Variants in ARMC8 observed in about 807,000 individuals in gnomAD.
ARMC8 encodes armadillo repeat containing 8.
Under a neutral mutation model 99.3 loss-of-function variants are expected in ARMC8, and 20 were observed. The ratio of observed to expected loss-of-function variants is 0.20; its 90% confidence interval spans 0.14 to 0.29. ARMC8 has a LOEUF of 0.29. Ranked by LOEUF, ARMC8 falls within the 10% of genes least tolerant of loss-of-function variation. The pLI, the probability that ARMC8 is intolerant of heterozygous loss-of-function variation, is 1.00. For synonymous variants in ARMC8, 263 were observed against 278.3 expected (o/e 0.95, Z 0.55); for missense variants, 569 against 809.5 (o/e 0.70, Z 3.60).
rs2051448261 is a variant in ARMC8, at chr3:138,295,946, C to T, written c.*54C>T. The T allele has an allele frequency of 6.3e-7, 1 of 1,582,766 alleles. No homozygotes were observed. The highest frequency in any genetic ancestry group is 8.6e-7 in the Non-Finnish European group (1 of 1,156,092). Reference sequence around the variant, plus strand: ...TCCCACCTCCTTGTTTAAGGAAGTACAGGAACCAGCCTCATTTGATTCCTT... The same window carrying T: ...TCCCACCTCCTTGTTTAAGGAAGTATAGGAACCAGCCTCATTTGATTCCTT... On this transcript the variant is annotated 3_prime_UTR_variant, in exon 22 of 22. Coordinates refer to ENST00000469044, the MANE Select transcript of ARMC8 (RefSeq NM_001363941.2).
At chr3:138,191,907 G>C (rs1392891590) in intron 1 of ARMC8, among the ~76,000 whole-genome samples, 37 of 152,136 alleles carry the variant, frequency 2.4e-4, no homozygotes, top group Non-Finnish European at 1.0e-4. Flanking sequence ...TTTACCTGTT[G>C]GGCGTTTTGG....
chr3:138,216,653 T>G (rs1035536814), intron 2 of ARMC8, among the ~76,000 whole-genome samples: 2 of 152,240 alleles, frequency 1.3e-5, no homozygotes, highest in African/African-American at 4.8e-5. Flanking sequence ...TTGCCCTTAT[T>G]CTAGTTACCC....
chr3:138,275,484 G>A (rs2049194622), intron 18 of ARMC8, among the ~76,000 whole-genome samples: 1 of 152,138 alleles, frequency 6.6e-6, no homozygotes, highest in South Asian at 2.1e-4. Flanking sequence ...GCGTGAACCT[G>A]GGAGGTGGAG....
At chr3:138,229,184 G>GTATATATA (rs1260368069) in intron 6 of ARMC8, 174 bp downstream of exon 6, 9 of 21,002 alleles carry the variant, frequency 4.3e-4, no homozygotes, top group African/African-American at 1.5e-3. Flanking sequence ...ATATATATAT[G>GTATATATA]TATATGTATA....
chr3:138,187,956 C>T (rs2043163430), intron 1 of ARMC8: 2 of 335,424 alleles, frequency 6.0e-6, no homozygotes, highest in Admixed American at 4.5e-5. Flanking sequence ...GGGCCGAACG[C>T]TCTGCCTTGT....
At chr3:138,221,003 T>A (rs556427528) in intron 2 of ARMC8, among the ~76,000 whole-genome samples, 27 of 152,294 alleles carry the variant, frequency 1.8e-4, no homozygotes, top group African/African-American at 4.8e-4. Flanking sequence ...GAAGTTTTTT[T>A]AAACATTTTA....
chr3:138,264,293 C>T (rs2048038566), intron 14 of ARMC8, 81 bp downstream of exon 14: 1 of 1,063,778 alleles, frequency 9.4e-7, no homozygotes, highest in African/African-American at 1.6e-5. Context: ...ACTCCCTGGT[C>T]TAGGAGTATG....
chr3:138,254,835 G>C (rs1273430650), intron 12 of ARMC8, among the ~76,000 whole-genome samples: 1 of 152,102 alleles, frequency 6.6e-6, no homozygotes, highest in Non-Finnish European at 1.5e-5. Flanking sequence ...TAACATAAAC[G>C]ACTTTCCCAG....
At chr3:138,221,515 A>G (rs1219451521) in intron 2 of ARMC8, among the ~76,000 whole-genome samples, 4 of 152,158 alleles carry the variant, frequency 2.6e-5, no homozygotes, top group African/African-American at 9.7e-5. Context: ...TAAAAAAAAA[A>G]GTGAACAAAG....
intron 12 of ARMC8, among the ~76,000 whole-genome samples, chr3:138,247,310 T>A (rs1434519308): frequency 1.3e-5 from 2 of 152,170 alleles, no homozygotes; most frequent in African/African-American, 2.4e-5. Flanking sequence ...TTGATTTTTT[T>A]AAAATGCAAT....
intron 14 of ARMC8, among the ~76,000 whole-genome samples, chr3:138,264,880 T>C (rs1560012794): frequency 6.6e-6 from 1 of 151,272 alleles, no homozygotes; most frequent in Non-Finnish European, 1.5e-5. Flanking sequence ...GTTCTTAGTC[T>C]CGGCAATCCC....
intron 9 of ARMC8, chr3:138,239,203 GTTAT>G: frequency 8.6e-6 from 3 of 349,302 alleles, no homozygotes; most frequent in Non-Finnish European, 1.0e-5. Flanking sequence ...CCATCATTAG[GTTAT>G]TTATTTTTAA....
chr3:138,261,477 G>C (rs2047736602), intron 12 of ARMC8: 1 of 152,178 alleles, frequency 6.6e-6, no homozygotes, highest in African/African-American at 2.4e-5. Context: ...ATATTTATTA[G>C]GCAATCAGAA....
chr3:138,275,495 C>T (rs925138419), intron 18 of ARMC8, among the ~76,000 whole-genome samples: 4 of 151,904 alleles, frequency 2.6e-5, no homozygotes, highest in African/African-American at 4.8e-5. Flanking sequence ...GGAGGTGGAG[C>T]TTGCAGTGAT....
chr3:138,281,901 T>C (rs898175286), intron 18 of ARMC8, among the ~76,000 whole-genome samples: 1 of 152,198 alleles, frequency 6.6e-6, no homozygotes, highest in East Asian at 1.9e-4. Context: ...TTATGAAGCC[T>C]TATTAAAATT....
At chr3:138,248,652 T>A (rs1286839975) in intron 12 of ARMC8, among the ~76,000 whole-genome samples, 1 of 152,224 alleles carries the variant, frequency 6.6e-6, no homozygotes, top group Admixed American at 6.5e-5. Flanking sequence ...AAATAATTGC[T>A]GTTATGAAGA....
At chr3:138,246,152 A>C in intron 12 of ARMC8, 1 of 985,754 alleles carries the variant, frequency 1.0e-6, no homozygotes, top group African/African-American at 1.7e-5. Context: ...CATTTGTTGA[A>C]ATAACTTGAA....
In ARMC8 at chr3:138,187,582, C is replaced by T. The variant is rs2043131317; in HGVS notation, c.28C>T (p.Arg10Cys). The change falls in exon 1 of 22, where the codon CGC becomes TGC. Residue 10 changes from arginine to cysteine, a missense_variant. Physicochemically the swap from Arg to Cys is radical, Grantham distance 180. Coordinates refer to ENST00000469044, the MANE Select transcript of ARMC8 (RefSeq NM_001363941.2). MACLLETPI[R>C]MSVLSEVTAS... ...GGCGTGCTTGTTGGAGACCCCAATC[C>T]GCATGAGCGTCCTTTCGGTGAGTGA... 3.3e-6 allele frequency: 5 copies of T among 1,535,678 alleles called. No homozygotes were observed. Among genetic ancestry groups the T allele is most frequent in the South Asian group, 2.4e-5 (2 of 84,066 alleles).
rs568008547 is a variant in ARMC8, at chr3:138,222,607, TTTA to T, written c.194+616_194+618del. 1.5e-3 allele frequency among the ~76,000 whole-genome samples: 226 copies of T among 152,334 alleles called. 1 individual carries two copies. Among genetic ancestry groups the T allele is most frequent in the African/African-American group, 5.1e-3 (212 of 41,584 alleles). On this transcript the variant is annotated intron_variant, in intron 3 of 21. Transcript: ENST00000469044. ...GCTATTAGCTTTTCATTCAGAATTA[TTTA>T]TTATTTTGTTTTTTTCTCCTTATTT... is the stretch of plus-strand genomic sequence containing the variant.
Sources: gnomAD v4.1 joint callset for allele counts (sites outside exome capture counted in the v4.1 genomes callset) on GRCh38, gnomAD v4.1.1 for gene constraint, MANE v1.5 for transcripts, NCBI Gene and HGNC (gene_info 2026-07-23, HGNC 2026-07-21) for gene names.